KIF7: variants seen among roughly 807,000 people sequenced by gnomAD.
KIF7 encodes kinesin-like protein KIF7.
In KIF7, 104 loss-of-function variants were observed where a neutral mutation model predicts 135.7. The ratio of observed to expected loss-of-function variants is 0.77; its 90% CI spans 0.65 to 0.90. The LOEUF (loss-of-function observed/expected upper bound fraction) is 0.90. Among genes scored for constraint, KIF7 ranks in the 40% least tolerant of loss-of-function variants. The probability of loss-of-function intolerance (pLI) is 0.00; values close to 1 mark genes in which losing one functional copy is unlikely to be tolerated. For synonymous variants in KIF7, 883 were observed against 809.4 expected (o/e 1.09, Z -1.54); for missense variants, 2,005 against 1,839.1 (o/e 1.09, Z -1.65).
chr15:89,625,331 G>A (rs142010949), downstream of KIF7: 2 of 1,613,972 alleles, frequency 1.2e-6, no homozygotes, highest in African/African-American at 2.7e-5. Flanking sequence ...CCCAAGCACA[G>A]TGGGAAGACA....
rs777546530 is a variant in KIF7 at position 89,645,048 on chromosome 15, A to G, written c.2156T>C (p.Met719Thr). Reference protein sequence around the residue: ...KIRELAINIRMKEELIGELVR... With the variant: ...KIRELAINIRTKEELIGELVR... The stretch of plus-strand genomic sequence containing the variant: ...CAGCTCGCCAATAAGCTCCTCCTTC[A>G]TGCGGATGTTGATAGCCAGCTCCCG... The change falls in exon 10 of 19, where the codon ATG becomes ACG. Residue 719 changes from methionine (M) to threonine (T), a missense_variant. Coordinates refer to ENST00000394412, the MANE Select transcript of KIF7 (RefSeq NM_198525.3). 2 of 1,607,542 alleles carry G rather than the reference A, an allele frequency of 1.2e-6. No individual in the cohort carries two copies. Among genetic ancestry groups the G allele is most frequent in the East Asian group, 2.2e-5 (1 of 44,884 alleles).
In KIF7 at chr15:89,629,363, C is replaced by T. The variant is rs377478168; in HGVS notation, c.3517+12G>A. The T allele has an allele frequency of 8.2e-6, 13 of 1,579,250 alleles. No individual in the cohort carries two copies. The highest frequency in any genetic ancestry group is 2.3e-5 in the East Asian group (1 of 44,382). ...GGGGCCGGGGTTGTGAGCCATGGGC[C>T]GGGCTGCTCACCTCGACTCTGCTGC... On this transcript the variant is annotated intron_variant, in intron 17 of 18. Transcript: ENST00000394412.
In KIF7 at chr15:89,647,611, C is replaced by T. The variant is rs552555463; in HGVS notation, c.1545G>A (p.Glu515=). 31 of 1,611,892 alleles carry T rather than the reference C, an allele frequency of 1.9e-5. No homozygotes were observed. In the South Asian group the frequency reaches 3.2e-4, roughly 17 times the overall value. ...GGCGCCGCACCTGCAGTTTGTACTG[C>T]TCCATGGCGTCCTCCAGCGCAGCCA... ...DFLAALEDAM[E]QYKLQSDRLR... The change falls in exon 6 of 19, where the codon GAG becomes GAA. Residue 515 remains glutamate (E), a synonymous_variant. Transcript: ENST00000394412.
At chr15:89,653,042 A>C in intron 1 of KIF7, 88 bp from the exon 2 acceptor site, 2 of 1,058,286 alleles carry the variant, frequency 1.9e-6, no homozygotes, top group Non-Finnish European at 2.6e-6. Context: ...CAGATCCTGC[A>C]GCTCCTGACC....
intron 1 of KIF7, among the ~76,000 whole-genome samples, chr15:89,622,129 G>A (rs940955631): frequency 9.2e-5 from 14 of 151,888 alleles, no homozygotes; most frequent in African/African-American, 3.4e-4. Context: ...AGGATTACAG[G>A]CACCCACCAC....
In KIF7 at chr15:89,654,979, C is replaced by T. The variant is rs576390858; in HGVS notation, c.-25+420G>A. ...GGTGCAGTCCCGGCTTCCGCGCGCC[C>T]CTGCTCTCCGCACAGCGCTCCCGCT... On this transcript the variant is annotated intron_variant, in intron 1 of 18. Transcript: ENST00000394412. Among the ~76,000 whole-genome samples the T allele has an allele frequency of 2.0e-5, 3 of 152,362 alleles. No homozygotes were observed. In the South Asian group the frequency reaches 6.2e-4, roughly 32 times the overall value.
At chr15:89,636,199 A>C (rs1241550391) in intron 11 of KIF7, among the ~76,000 whole-genome samples, 1 of 152,160 alleles carries the variant, frequency 6.6e-6, no homozygotes, top group African/African-American at 2.4e-5. Context: ...GGAAAGGAAC[A>C]ACCGGTACCA....
chr15:89,624,061 C>A, downstream of KIF7: 2 of 1,614,038 alleles, frequency 1.2e-6, no homozygotes, highest in Non-Finnish European at 1.7e-6. Context: ...TCTCAGAACA[C>A]CTCCGAGAGC....
intron 17 of KIF7, 31 bp downstream of exon 17, chr15:89,629,343 CG>C (rs757013926): frequency 8.2e-6 from 10 of 1,213,196 alleles, no homozygotes; most frequent in Non-Finnish European, 1.1e-5. Context: ...TGGAGGGGGC[CG>C]GGGTTGTGAG....
At chr15:89,624,937 C>G (rs1424215095), downstream of KIF7, 3 of 1,614,132 alleles carry the variant, frequency 1.9e-6, no homozygotes, top group South Asian at 2.2e-5. Flanking sequence ...ACTAGACAAC[C>G]TGCCAGCATC....
rs750368264 is a variant in KIF7 at position 89,633,896 on chromosome 15, C to T, written c.2395-13G>A. 3 of 1,613,560 alleles carry T rather than the reference C, an allele frequency of 1.9e-6. No homozygotes were observed. The highest frequency in any genetic ancestry group is 2.5e-6 in the Non-Finnish European group (3 of 1,179,996). ...TCTCCTTCAGCACCTGGGACCCACA[C>T]AGTCTTCACTGGGCCATGCACGGGG... On this transcript the variant is annotated splice_polypyrimidine_tract_variant and intron_variant, in intron 11 of 18. Coordinates refer to ENST00000394412, the MANE Select transcript of KIF7 (RefSeq NM_198525.3).
intron 11 of KIF7, among the ~76,000 whole-genome samples, chr15:89,637,485 G>T (rs907179422): frequency 2.0e-5 from 3 of 152,034 alleles, no homozygotes; most frequent in Admixed American, 2.0e-4. Context: ...TGATAAAGGG[G>T]ATATCACCAC....
chr15:89,628,373 C>A lies in KIF7; in HGVS notation c.*46G>T. ...AAGCAAAACAGGCAGCTGCCCCTTT[C>A]AGCAGGCTCGGAGTCTCCCTCCAAG... On this transcript the variant is annotated 3_prime_UTR_variant, in exon 19 of 19. Coordinates refer to ENST00000394412, the MANE Select transcript of KIF7 (RefSeq NM_198525.3). 1.9e-6 allele frequency: 3 copies of A among 1,555,422 alleles called. No individual in the cohort carries two copies. Among genetic ancestry groups the A allele is most frequent in the Non-Finnish European group, 2.6e-6 (3 of 1,153,344 alleles).
chr15:89,644,641 C>T (rs1490204638), intron 10 of KIF7, among the ~76,000 whole-genome samples: 3 of 151,968 alleles, frequency 2.0e-5, no homozygotes, highest in East Asian at 1.9e-4. Context: ...GCCAAGATCA[C>T]GCCACTGCAC....
chr15:89,636,245 C>T (rs1258504110), intron 11 of KIF7, among the ~76,000 whole-genome samples: 2 of 151,462 alleles, frequency 1.3e-5, no homozygotes, highest in Admixed American at 6.6e-5. Flanking sequence ...TAAAGACCAT[C>T]GAGACTAGGA....
rs755148549 is a variant in KIF7 at position 89,649,207 on chromosome 15, G to C, written c.690C>G (p.Arg230=). 1.3e-6 allele frequency: 2 copies of C among 1,545,896 alleles called. No homozygotes were observed. The highest frequency in any genetic ancestry group is 2.4e-5 in the South Asian group (2 of 83,922). ...CGGGGCGGGGTAGGCGGCTGGGGGCGCGCCCCCGCTGCTCCAGGGTCACGG... is the reference window on the plus strand; with the variant it reads ...CGGGGCGGGGTAGGCGGCTGGGGGCCCGCCCCCGCTGCTCCAGGGTCACGG... ...VFTVTLEQRG[R]APSRLPRPAP... is the part of the protein sequence containing the mutation. The change falls in exon 4 of 19, where the codon CGC becomes CGG. Residue 230 remains arginine (R), a synonymous_variant. Coordinates refer to ENST00000394412, the MANE Select transcript of KIF7 (RefSeq NM_198525.3).
chr15:89,628,889 G>A lies in KIF7; in HGVS notation c.3664+87C>T, dbSNP rs997202245. The stretch of plus-strand genomic sequence containing the variant: ...GCACAATAAGCAACCTGTGAATTGA[G>A]CCAATAAAGGCTCGAGGGAGAGTGG... On this transcript the variant is annotated intron_variant, in intron 18 of 18. Transcript: ENST00000394412. The A allele has an allele frequency of 2.8e-4, 444 of 1,610,898 alleles. 1 individual carries two copies. Among genetic ancestry groups the A allele is most frequent in the Admixed American group, 3.7e-4 (22 of 59,996 alleles).
chr15:89,631,354 C>CCA, intron 15 of KIF7, 141 bp downstream of exon 15: 1 of 751,972 alleles, frequency 1.3e-6, no homozygotes, highest in Non-Finnish European at 2.1e-6. Context: ...TCCCCAGCCC[C>CCA]CACCTCCACC....
intron 7 of KIF7, 150 bp from the exon 8 acceptor site, chr15:89,646,176 A>G: frequency 2.0e-6 from 2 of 1,008,650 alleles, no homozygotes; most frequent in Non-Finnish European, 3.0e-6. Context: ...CTGAATCTCA[A>G]GCTGGGGTGA....
Sources: allele counts gnomAD v4.1 joint callset (sites outside exome capture counted in the v4.1 genomes callset), GRCh38; gene constraint gnomAD v4.1.1; transcripts MANE v1.5; gene names NCBI Gene and HGNC (gene_info 2026-07-23, HGNC 2026-07-21).